ARHGAP10: variants seen among roughly 807,000 people sequenced by gnomAD.
ARHGAP10 encodes rho GTPase-activating protein 10.
ARHGAP10 carries 87 observed loss-of-function variants against 108.6 expected under a neutral mutation model. The ratio of observed to expected loss-of-function variants is 0.80; its 90% CI spans 0.67 to 0.96. The LOEUF (loss-of-function observed/expected upper bound fraction) is 0.96. Ranked by LOEUF, ARHGAP10 falls within the 40% of genes least tolerant of loss-of-function variation. The pLI is 0.00. For synonymous variants in ARHGAP10, 347 were observed against 341.1 expected, an observed-to-expected ratio of 1.02 and a Z score of -0.19; for missense variants, 939 against 954.5, an observed-to-expected ratio of 0.98 and a Z score of 0.21.
At chr4:147,918,082 A>C (rs1366790716) in intron 13 of ARHGAP10, among the ~76,000 whole-genome samples, 1 of 152,002 alleles carries the variant, frequency 6.6e-6, no homozygotes, top group African/African-American at 2.4e-5. Context: ...TTATTTAAAT[A>C]CACTGGATTT....
intron 1 of ARHGAP10, among the ~76,000 whole-genome samples, chr4:147,736,100 A>G (rs1008102059): frequency 1.3e-5 from 2 of 151,202 alleles, no homozygotes; most frequent in Non-Finnish European, 2.9e-5. Context: ...AATGCTCTGT[A>G]GTGAACTTAA....
At chr4:147,747,908 A>C (rs1422085031) in intron 1 of ARHGAP10, among the ~76,000 whole-genome samples, 2 of 152,146 alleles carry the variant, frequency 1.3e-5, no homozygotes, top group Non-Finnish European at 2.9e-5. Flanking sequence ...GTGGTTCTCA[A>C]ATGGGTGATT....
rs371840512 is a variant in ARHGAP10, at chr4:147,787,684, C to G, written c.155-35043C>G. ...TGCCTTCGTGCTTCCCTGGCTCAGCCCTCACAACCAATTCCCCTGTTGTCC... is the reference window on the plus strand; with the variant it reads ...TGCCTTCGTGCTTCCCTGGCTCAGCGCTCACAACCAATTCCCCTGTTGTCC... On this transcript the variant is annotated intron_variant, in intron 1 of 22. Coordinates refer to ENST00000336498, the MANE Select transcript of ARHGAP10 (RefSeq NM_024605.4). Among the ~76,000 whole-genome samples the G allele has an allele frequency of 1.2e-4, 18 of 152,270 alleles. No homozygotes were observed. In the East Asian group the frequency reaches 2.7e-3, roughly 23 times the overall value.
At chr4:147,740,028 GT>G (rs1728595009) in intron 1 of ARHGAP10, among the ~76,000 whole-genome samples, 1 of 147,916 alleles carries the variant, frequency 6.8e-6, no homozygotes, top group African/African-American at 2.5e-5. Context: ...GAGCCACTGC[GT>G]CTGGCCTTAC....
chr4:147,860,869 A>G (rs1051725413), intron 5 of ARHGAP10: 1 of 152,252 alleles, frequency 6.6e-6, no homozygotes, highest in African/African-American at 2.4e-5. Context: ...TAAAACGTAT[A>G]GTGATTGCCT....
intron 4 of ARHGAP10, among the ~76,000 whole-genome samples, chr4:147,853,931 T>C (rs1733982232): frequency 6.6e-6 from 1 of 152,192 alleles, no homozygotes; most frequent in Admixed American, 6.5e-5. Flanking sequence ...TAAACAGTCA[T>C]GCCAGCACCA....
chr4:147,852,364 G>C (rs1443370860), intron 4 of ARHGAP10, among the ~76,000 whole-genome samples: 1 of 152,206 alleles, frequency 6.6e-6, no homozygotes, highest in Non-Finnish European at 1.5e-5. Context: ...GTGTCTGCCA[G>C]GCACCCTTCT....
At chr4:147,737,077 T>G (rs905878796) in intron 1 of ARHGAP10, among the ~76,000 whole-genome samples, 2 of 152,200 alleles carry the variant, frequency 1.3e-5, no homozygotes, top group East Asian at 1.9e-4. Flanking sequence ...TCTTGTTAAA[T>G]GACATAAGAC....
At chr4:148,063,366 G>A (rs993663777) in intron 21 of ARHGAP10, 66 bp downstream of exon 21, 43 of 1,587,944 alleles carry the variant, frequency 2.7e-5, no homozygotes, top group Non-Finnish European at 3.5e-5. Context: ...ATGAACCTGA[G>A]CAGGTTCTTG....
At chr4:148,029,891 C>T (rs1378664103) in intron 19 of ARHGAP10, among the ~76,000 whole-genome samples, 2 of 152,054 alleles carry the variant, frequency 1.3e-5, no homozygotes, top group African/African-American at 4.8e-5. Flanking sequence ...AAAAGGCAGC[C>T]AGAAGATTCA....
intron 18 of ARHGAP10, among the ~76,000 whole-genome samples, chr4:147,982,499 A>G (rs540004107): frequency 1.6e-3 from 236 of 146,604 alleles, no homozygotes; most frequent in African/African-American, 5.6e-3. Context: ...CAGCTTCCTA[A>G]GACTGTAGCT....
chr4:148,002,986 A>G (rs1578779606), intron 18 of ARHGAP10, among the ~76,000 whole-genome samples: 1 of 151,960 alleles, frequency 6.6e-6, no homozygotes, highest in African/African-American at 2.4e-5. Context: ...TTGCTTCTCT[A>G]GTTCTTTTAA....
intron 1 of ARHGAP10, among the ~76,000 whole-genome samples, chr4:147,751,189 A>C (rs530781381): frequency 1.8e-4 from 27 of 150,940 alleles, no homozygotes; most frequent in African/African-American, 6.4e-4. Context: ...AAAACCAAAA[A>C]CAAAAAAAAC....
At chr4:147,885,910 C>T (rs932033107) in intron 10 of ARHGAP10, among the ~76,000 whole-genome samples, 3 of 152,132 alleles carry the variant, frequency 2.0e-5, no homozygotes, top group African/African-American at 7.2e-5. Flanking sequence ...TCCTAAAATC[C>T]GAGATCTATA....
intron 18 of ARHGAP10, among the ~76,000 whole-genome samples, chr4:148,017,074 T>C (rs1016830776): frequency 1.1e-4 from 16 of 151,820 alleles, no homozygotes; most frequent in African/African-American, 3.9e-4. Flanking sequence ...AGAATCGCCT[T>C]TTATGGAGAC....
At chr4:147,752,384 A>G (rs1178346026) in intron 1 of ARHGAP10, among the ~76,000 whole-genome samples, 1 of 152,190 alleles carries the variant, frequency 6.6e-6, no homozygotes, top group South Asian at 2.1e-4. Context: ...TCATTTTCAT[A>G]TAATCTGGAA....
intron 20 of ARHGAP10, among the ~76,000 whole-genome samples, chr4:148,049,469 C>T (rs932031140): frequency 2.6e-5 from 4 of 152,228 alleles, no homozygotes; most frequent in Middle Eastern, 3.4e-3. Context: ...TCCCAGTAGC[C>T]GGTGTGTGCT....
intron 17 of ARHGAP10, among the ~76,000 whole-genome samples, chr4:147,965,667 A>G (rs1215006739): frequency 1.3e-5 from 2 of 152,232 alleles, no homozygotes; most frequent in East Asian, 1.9e-4. Flanking sequence ...TCTTTTACAT[A>G]TAAAGAAAAT....
chr4:147,872,499 G>T (rs150862307), intron 7 of ARHGAP10, among the ~76,000 whole-genome samples: 47 of 152,312 alleles, frequency 3.1e-4, no homozygotes, highest in Non-Finnish European at 5.7e-4. Context: ...TGTGTATACA[G>T]TTGACCCTTG....
Sources: allele counts gnomAD v4.1 joint callset (sites outside exome capture counted in the v4.1 genomes callset), GRCh38; gene constraint gnomAD v4.1.1; transcripts MANE v1.5; gene names NCBI Gene and HGNC (gene_info 2026-07-23, HGNC 2026-07-21).